The following LRP6 variants were observed in gnomAD, a reference collection of about 807,000 sequenced individuals.
LRP6 encodes low-density lipoprotein receptor-related protein 6.
In LRP6, 43 loss-of-function variants were observed where a neutral mutation model predicts 184.1. That is an observed-to-expected ratio of 0.23 (90% CI 0.18 to 0.30). LRP6 has a LOEUF of 0.30. LRP6 is among the 10% of genes least tolerant of loss of function. The pLI is 1.00. For missense variants in LRP6, 1,571 were observed against 2,005.3 expected, an observed-to-expected ratio of 0.78 and a Z score of 4.14; for synonymous variants, 719 against 684.9, an observed-to-expected ratio of 1.05 and a Z score of -0.78.
chr12:12,143,848 C>T (rs1036935160), intron 15 of LRP6, among the ~76,000 whole-genome samples: 12 of 152,144 alleles, frequency 7.9e-5, no homozygotes, highest in African/African-American at 1.7e-4. Context: ...TATTGCTATA[C>T]ATTTATGTGG....
intron 1 of LRP6, chr12:12,249,023 C>T (rs1397523465): frequency 4.7e-6 from 3 of 634,812 alleles, no homozygotes; most frequent in East Asian, 5.4e-5. Context: ...GGTAAAAGTC[C>T]CTTGCAATTT....
At chr12:12,208,292 G>A (rs1864118939) in intron 2 of LRP6, among the ~76,000 whole-genome samples, 1 of 152,174 alleles carries the variant, frequency 6.6e-6, no homozygotes, top group Non-Finnish European at 1.5e-5. Context: ...CTGTAAAGGG[G>A]CTTAAGGCAC....
chr12:12,230,539 C>G (rs1864756817), intron 2 of LRP6, among the ~76,000 whole-genome samples: 1 of 151,984 alleles, frequency 6.6e-6, no homozygotes, highest in Non-Finnish European at 1.5e-5. Flanking sequence ...TATACTAGAT[C>G]ATAAATCATG....
chr12:12,153,196 G>C (rs1030305120), intron 12 of LRP6, among the ~76,000 whole-genome samples: 3 of 151,876 alleles, frequency 2.0e-5, no homozygotes, highest in Non-Finnish European at 4.4e-5. Flanking sequence ...AATTTTTAAA[G>C]GTTCTAAATT....
intron 3 of LRP6, among the ~76,000 whole-genome samples, chr12:12,198,155 G>A (rs1236378359): frequency 2.0e-5 from 3 of 152,208 alleles, no homozygotes; most frequent in South Asian, 2.1e-4. Context: ...GACTTCAGGC[G>A]ATCCACCCAC....
chr12:12,199,585 G>T (rs1168636588), intron 3 of LRP6, among the ~76,000 whole-genome samples: 1 of 152,148 alleles, frequency 6.6e-6, no homozygotes, highest in East Asian at 1.9e-4. Context: ...GTTCTCTGGA[G>T]GAGCCATTCA....
At chr12:12,214,566 T>C (rs1864290511) in intron 2 of LRP6, among the ~76,000 whole-genome samples, 1 of 152,274 alleles carries the variant, frequency 6.6e-6, no homozygotes, top group African/African-American at 2.4e-5. Context: ...TTAAAATTCA[T>C]GATCTGATTT....
intron 19 of LRP6, among the ~76,000 whole-genome samples, chr12:12,129,709 C>T (rs770839755): frequency 5.3e-5 from 8 of 152,052 alleles, no homozygotes; most frequent in East Asian, 1.9e-4. Context: ...CCCGCCACCA[C>T]GCCCAGCTAA....
chr12:12,133,816 AC>A (rs1949790464), intron 17 of LRP6, among the ~76,000 whole-genome samples: 1 of 119,526 alleles, frequency 8.4e-6, no homozygotes, highest in Non-Finnish European at 1.6e-5. Context: ...ACACTCCAGC[AC>A]CCTGATAGGG....
rs765069216 is a variant in LRP6, at chr12:12,165,302, G to A, written c.1546-7C>T. On this transcript the variant is annotated splice_region_variant and splice_polypyrimidine_tract_variant and intron_variant, in intron 7 of 22. Transcript: ENST00000261349. ...TGCCATCAGTATTCATAACCTTCAG[G>A]TTTAAATTCAAAAGAGAAGGGGATG... is the stretch of plus-strand genomic sequence containing the variant. 4 of 1,594,122 alleles carry A rather than the reference G, an allele frequency of 2.5e-6. No individual in the cohort carries two copies. The highest frequency in any genetic ancestry group is 2.7e-5 in the African/African-American group (2 of 74,536).
rs765905787 is a variant in LRP6, at chr12:12,159,104, G to C, written c.2516C>G (p.Thr839Ser). The C allele has an allele frequency of 6.2e-7, 1 of 1,614,180 alleles. No homozygotes were observed. The highest frequency in any genetic ancestry group is 8.5e-7 in the Non-Finnish European group (1 of 1,180,030). The change falls in exon 12 of 23, where the codon ACT becomes AGT. Residue 839 changes from threonine (T) to serine (S), a missense_variant. By Grantham distance (58) the Thr-to-Ser change is moderately conservative. Coordinates refer to ENST00000261349, the MANE Select transcript of LRP6 (RefSeq NM_002336.3). ...ADDLPHPFGL[T>S]QYQDYIYWTD... is the part of the protein sequence containing the mutation. ...CCAGTAGATATAATCTTGGTACTGA[G>C]TTAAGCCAAAAGGATGAGGCAAGTC...
chr12:12,266,373 G>A lies in LRP6; in HGVS notation c.55+308C>T, dbSNP rs184598243. Among the ~76,000 whole-genome samples, 408 of 152,252 alleles carry A rather than the reference G, an allele frequency of 2.7e-3. 2 individuals are homozygous for A. The highest frequency in any genetic ancestry group is 9.4e-3 in the African/African-American group (392 of 41,544). On this transcript the variant is annotated intron_variant, in intron 1 of 22. Transcript: ENST00000261349. ...TTCCCTGGAAGACCCCAGGCAGAGA[G>A]AGGCACACAGACACTCAGTCATCCC...
chr12:12,182,695 C>T (rs980998545), intron 5 of LRP6, among the ~76,000 whole-genome samples: 1 of 152,200 alleles, frequency 6.6e-6, no homozygotes, highest in Non-Finnish European at 1.5e-5. Context: ...GAAGAAAATA[C>T]AGCCCAAATG....
chr12:12,137,449 C>T (rs763920764), intron 16 of LRP6, among the ~76,000 whole-genome samples: 1 of 151,726 alleles, frequency 6.6e-6, no homozygotes, highest in Non-Finnish European at 1.5e-5. Context: ...TTTCCTGGGG[C>T]TCATGGAGAT....
intron 12 of LRP6, chr12:12,155,842 G>A (rs1403941436): frequency 3.0e-6 from 2 of 658,826 alleles, no homozygotes; most frequent in African/African-American, 1.8e-5. Flanking sequence ...TTTTCCCAAG[G>A]TCACAAAGCT....
Position 12,131,253 on chromosome 12 carries a change from G to A in LRP6, c.3971-360C>T, listed in dbSNP as rs1019092894. On this transcript the variant is annotated intron_variant, in intron 18 of 22. Coordinates refer to ENST00000261349, the MANE Select transcript of LRP6 (RefSeq NM_002336.3). ...CTCCCAAGTAGCTGGGACTACAGGC[G>A]TCTGCCACCAGGCCCGGCTAATTTT... 6.6e-5 allele frequency among the ~76,000 whole-genome samples: 10 copies of A among 152,094 alleles called. No homozygotes were observed. In the South Asian group the frequency reaches 1.7e-3, roughly 25 times the overall value.
chr12:12,203,185 T>C lies in LRP6; in HGVS notation c.647+18A>G, dbSNP rs769835157. 5 of 1,568,546 alleles carry C rather than the reference T, an allele frequency of 3.2e-6. No individual in the cohort carries two copies. Among genetic ancestry groups the C allele is most frequent in the Non-Finnish European group, 4.3e-6 (5 of 1,159,150 alleles). On this transcript the variant is annotated intron_variant, in intron 3 of 22. Coordinates refer to ENST00000261349, the MANE Select transcript of LRP6 (RefSeq NM_002336.3). ...ATCGAGTTTTCTTAAAAGTTTTTTC[T>C]AATTCTTGTAATCTTACCGATTTGT... is the stretch of plus-strand genomic sequence containing the variant.
chr12:12,242,734 C>T (rs1214452274), intron 2 of LRP6, among the ~76,000 whole-genome samples: 1 of 152,210 alleles, frequency 6.6e-6, no homozygotes, highest in Non-Finnish European at 1.5e-5. Context: ...CACCATCTTG[C>T]TTCAACAAAC....
At chr12:12,163,328 A>C (rs1444826553) in intron 9 of LRP6, among the ~76,000 whole-genome samples, 1 of 152,164 alleles carries the variant, frequency 6.6e-6, no homozygotes, top group Non-Finnish European at 1.5e-5. Context: ...ATGCAAACCA[A>C]AATTTATTTA....
Sources: allele counts gnomAD v4.1 joint callset (sites outside exome capture counted in the v4.1 genomes callset), GRCh38; gene constraint gnomAD v4.1.1; transcripts MANE v1.5; gene names NCBI Gene and HGNC (gene_info 2026-07-23, HGNC 2026-07-21).